Variants in GALNT1 observed in about 807,000 individuals in gnomAD.
GALNT1 encodes the protein polypeptide N-acetylgalactosaminyltransferase 1.
In GALNT1, 17 loss-of-function variants were observed where a neutral mutation model predicts 65.7. That is an observed-to-expected ratio of 0.26 (90% CI 0.18 to 0.39). The LOEUF is 0.39. Ranked by LOEUF, GALNT1 falls within the 10% of genes least tolerant of loss-of-function variation. The pLI is 1.00. For synonymous variants in GALNT1, 210 were observed against 219.7 expected, an observed-to-expected ratio of 0.96 and a Z score of 0.39; for missense variants, 460 against 672.8, an observed-to-expected ratio of 0.68 and a Z score of 3.50.
chr18:35,593,610 C>T (rs553754844), intron 1 of GALNT1, among the ~76,000 whole-genome samples: 1 of 151,930 alleles, frequency 6.6e-6, no homozygotes, highest in South Asian at 2.1e-4. Context: ...CACCCCATTG[C>T]AAGAGGGCAG....
rs745418426 is a variant in GALNT1 at position 35,709,782 on chromosome 18, CA to C, written c.*19del. The stretch of plus-strand genomic sequence containing the variant: ...CAGAAATATTCTGAGACCAAATTTA[CA>C]AAAAAACGAAAAAAATAAGGATTGA... On this transcript the variant is annotated 3_prime_UTR_variant, in exon 12 of 12. Coordinates refer to ENST00000269195, the MANE Select transcript of GALNT1 (RefSeq NM_020474.4). 4 of 1,607,324 alleles carry C rather than the reference CA, an allele frequency of 2.5e-6. No individual in the cohort carries two copies. The highest frequency in any genetic ancestry group is 3.4e-6 in the Non-Finnish European group (4 of 1,177,962).
rs891504253 is a variant in GALNT1 at position 35,710,027 on chromosome 18, G to A, written c.*257G>A. On this transcript the variant is annotated 3_prime_UTR_variant, in exon 12 of 12. Coordinates refer to ENST00000269195, the MANE Select transcript of GALNT1 (RefSeq NM_020474.4). Reference sequence around the variant, plus strand: ...TACAAGATTGAAAGAGTCTTTCTCCGAAAATCATGGTAAAGAATACTGAGA... The same window carrying A: ...TACAAGATTGAAAGAGTCTTTCTCCAAAAATCATGGTAAAGAATACTGAGA... The A allele has an allele frequency of 2.0e-5, 7 of 353,530 alleles. No individual in the cohort carries two copies. The highest frequency in any genetic ancestry group is 8.1e-4 in the Middle Eastern group (1 of 1,236). The allele number at this position is 353,530 out of a possible 1,614,324, so 21.9% of individuals were successfully genotyped here. A position where few individuals can be genotyped will look rare whatever the true frequency, so the allele number is the denominator to read the frequency against.
intron 1 of GALNT1, among the ~76,000 whole-genome samples, chr18:35,647,488 A>G (rs1386442037): frequency 6.6e-6 from 1 of 152,234 alleles, no homozygotes; most frequent in Non-Finnish European, 1.5e-5. Context: ...GAGCAAATAG[A>G]ATATAAAATT....
At chr18:35,675,316 C>T (rs2047695455) in intron 3 of GALNT1, among the ~76,000 whole-genome samples, 1 of 152,116 alleles carries the variant, frequency 6.6e-6, no homozygotes, top group South Asian at 2.1e-4. Context: ...AATATTTTCT[C>T]TATGTTTCCT....
intron 2 of GALNT1, among the ~76,000 whole-genome samples, chr18:35,656,289 A>G (rs1358058212): frequency 6.6e-6 from 1 of 152,188 alleles, no homozygotes; most frequent in East Asian, 1.9e-4. Context: ...TGACTTTTAT[A>G]TGTGCTGGGC....
At chr18:35,587,915 T>C (rs775995692) in intron 1 of GALNT1, among the ~76,000 whole-genome samples, 1 of 152,250 alleles carries the variant, frequency 6.6e-6, no homozygotes, top group Non-Finnish European at 1.5e-5. Context: ...CATGGTATGT[T>C]GAAGAGGGCT....
In GALNT1 at chr18:35,611,152, A is replaced by G. The variant is rs552015231; in HGVS notation, c.-104+29290A>G. On this transcript the variant is annotated intron_variant, in intron 1 of 11. Transcript: ENST00000269195. The stretch of plus-strand genomic sequence containing the variant: ...AGGAGTATATTTTCAAATATCTCCT[A>G]ACAAGTTCCAATGCATAGAAAAGAT... Among the ~76,000 whole-genome samples, 5 of 152,348 alleles carry G rather than the reference A, an allele frequency of 3.3e-5. No homozygotes were observed. The South Asian group carries it at 1.0e-3, about 32-fold the overall frequency.
At chr18:35,603,308 G>T (rs756342843) in intron 1 of GALNT1, among the ~76,000 whole-genome samples, 1 of 152,084 alleles carries the variant, frequency 6.6e-6, no homozygotes, top group Non-Finnish European at 1.5e-5. Context: ...ATTGTGGGAG[G>T]GGTATTGTGG....
intron 11 of GALNT1, among the ~76,000 whole-genome samples, chr18:35,704,439 G>T (rs2048220206): frequency 6.6e-6 from 1 of 151,446 alleles, no homozygotes; most frequent in African/African-American, 2.4e-5. Flanking sequence ...CTCTAGAGGA[G>T]CTGGGACCAC....
intron 4 of GALNT1, among the ~76,000 whole-genome samples, chr18:35,680,801 A>C (rs2047776302): frequency 6.6e-6 from 1 of 152,032 alleles, no homozygotes; most frequent in Non-Finnish European, 1.5e-5. Context: ...CTGACCTCTT[A>C]ATTGCTGTGT....
chr18:35,707,930 G>C (rs1208718741), intron 11 of GALNT1, among the ~76,000 whole-genome samples: 1 of 152,214 alleles, frequency 6.6e-6, no homozygotes, highest in Non-Finnish European at 1.5e-5. Context: ...GACGTTGCCA[G>C]GATGTTGTGT....
upstream of GALNT1, chr18:35,581,702 C>CG (rs2046317764): frequency 0.013 from 1 of 78 alleles, no homozygotes; most frequent in African/African-American, 0.056. Context: ...GGAGCGGGGC[C>CG]CGGCCGGACC....
chr18:35,633,694 T>C (rs1171804285), intron 1 of GALNT1, among the ~76,000 whole-genome samples: 8 of 152,048 alleles, frequency 5.3e-5, no homozygotes, highest in Admixed American at 5.2e-4. Flanking sequence ...AAAAGTATTA[T>C]AATAAAAAAA....
At chr18:35,693,137 G>A (rs1448395195) in intron 9 of GALNT1, among the ~76,000 whole-genome samples, 1 of 152,146 alleles carries the variant, frequency 6.6e-6, no homozygotes, top group Non-Finnish European at 1.5e-5. Flanking sequence ...ACTGTTTTAT[G>A]TAAGGAAGTT....
At chr18:35,641,012 A>T (rs1030553269) in intron 1 of GALNT1, among the ~76,000 whole-genome samples, 23 of 152,182 alleles carry the variant, frequency 1.5e-4, no homozygotes, top group African/African-American at 5.6e-4. Context: ...TGTTTTAGAG[A>T]TGGGGGTCTT....
At chr18:35,643,747 G>A (rs767568297) in intron 1 of GALNT1, among the ~76,000 whole-genome samples, 1 of 150,006 alleles carries the variant, frequency 6.7e-6, no homozygotes, top group East Asian at 2.0e-4. Flanking sequence ...GCAGTGAGCC[G>A]AGATCGTGCC....
intron 2 of GALNT1, among the ~76,000 whole-genome samples, chr18:35,660,456 C>T (rs1306386480): frequency 6.6e-6 from 1 of 152,130 alleles, no homozygotes; most frequent in Non-Finnish European, 1.5e-5. Context: ...TGTTTGTTCT[C>T]ACATAATACT....
intron 9 of GALNT1, among the ~76,000 whole-genome samples, chr18:35,702,624 T>G (rs1475137350): frequency 2.0e-5 from 3 of 152,126 alleles, no homozygotes; most frequent in Admixed American, 6.5e-5. Context: ...TAGAGTTTGT[T>G]GAACTCAATA....
At chr18:35,697,188 G>C (rs2048073002) in intron 9 of GALNT1, among the ~76,000 whole-genome samples, 1 of 152,178 alleles carries the variant, frequency 6.6e-6, no homozygotes, top group African/African-American at 2.4e-5. Context: ...CCCTGCTAGA[G>C]CCTCTGTATG....
Sources: gnomAD v4.1 joint callset for allele counts (sites outside exome capture counted in the v4.1 genomes callset) on GRCh38, gnomAD v4.1.1 for gene constraint, MANE v1.5 for transcripts, NCBI Gene and HGNC (gene_info 2026-07-23, HGNC 2026-07-21) for gene names.